The following JAZF1 variants were observed in gnomAD, a reference collection of about 807,000 sequenced individuals.
The protein encoded by JAZF1 is JAZF zinc finger 1.
JAZF1 carries 8 observed loss-of-function variants against 26.4 expected under a neutral mutation model. That is an observed-to-expected ratio of 0.30 (90% CI 0.18 to 0.55). The LOEUF (loss-of-function observed/expected upper bound fraction) is 0.55, where lower values mean the gene tolerates loss of function less well. Ranked by LOEUF, JAZF1 falls within the 20% of genes least tolerant of loss-of-function variation. JAZF1 has a pLI of 0.94. For missense variants in JAZF1, 199 were observed against 322.0 expected, an observed-to-expected ratio of 0.62 and a Z score of 2.92; for synonymous variants, 126 against 122.3, an observed-to-expected ratio of 1.03 and a Z score of -0.20.
At chr7:28,148,517 G>A (rs1473065411) in intron 1 of JAZF1, among the ~76,000 whole-genome samples, 1 of 152,154 alleles carries the variant, frequency 6.6e-6, no homozygotes, top group African/African-American at 2.4e-5. Context: ...ATAGACTCCA[G>A]GGAATATCTT....
intron 1 of JAZF1, among the ~76,000 whole-genome samples, chr7:28,110,499 AAAGGAAAAGG>A (rs543148874): frequency 9.5e-4 from 45 of 47,532 alleles, no homozygotes; most frequent in Non-Finnish European, 1.1e-3. Flanking sequence ...AAAGGAAAGG[AAAGGAAAAGG>A]AAAGGAAAAG....
intron 1 of JAZF1, among the ~76,000 whole-genome samples, chr7:28,179,881 G>A (rs1323530523): frequency 2.0e-5 from 3 of 147,090 alleles, no homozygotes; most frequent in Non-Finnish European, 4.6e-5. Flanking sequence ...GCGGGAGGAG[G>A]AAGCGGAATG....
intron 2 of JAZF1, among the ~76,000 whole-genome samples, chr7:27,956,021 T>C (rs898788496): frequency 2.6e-5 from 4 of 152,274 alleles, no homozygotes; most frequent in South Asian, 2.1e-4. Flanking sequence ...CTTCACTGAA[T>C]TAAGAAAGTG....
intron 2 of JAZF1, among the ~76,000 whole-genome samples, chr7:27,979,348 C>A (rs1262675258): frequency 2.3e-5 from 3 of 130,570 alleles, no homozygotes; most frequent in Admixed American, 8.8e-5. Context: ...AATTAACAGG[C>A]GTGGCCAGGT....
intron 2 of JAZF1, among the ~76,000 whole-genome samples, chr7:27,901,938 C>T (rs1465027218): frequency 2.0e-5 from 3 of 152,286 alleles, no homozygotes; most frequent in South Asian, 2.1e-4. Context: ...TTATAAGAAA[C>T]GTATCTCACG....
At chr7:28,086,108 AT>A (rs1005480867) in intron 1 of JAZF1, among the ~76,000 whole-genome samples, 1 of 152,238 alleles carries the variant, frequency 6.6e-6, no homozygotes, top group African/African-American at 2.4e-5. Context: ...CTAAATTATA[AT>A]TCAACATCCC....
intron 2 of JAZF1, among the ~76,000 whole-genome samples, chr7:27,896,930 G>A (rs911971794): frequency 6.6e-6 from 1 of 152,176 alleles, no homozygotes; most frequent in Non-Finnish European, 1.5e-5. Context: ...GAATGTCAAG[G>A]CAAAAGAGAA....
At chr7:27,922,231 T>C (rs1283082524) in intron 2 of JAZF1, among the ~76,000 whole-genome samples, 2 of 152,238 alleles carry the variant, frequency 1.3e-5, no homozygotes, top group East Asian at 3.8e-4. Flanking sequence ...AACCACATTT[T>C]ATGTTGGTTA....
intron 2 of JAZF1, among the ~76,000 whole-genome samples, chr7:27,962,995 G>T (rs890785202): frequency 1.3e-5 from 2 of 152,102 alleles, no homozygotes; most frequent in Non-Finnish European, 2.9e-5. Flanking sequence ...CACTGTGTGG[G>T]GTTAGCATTC....
intron 2 of JAZF1, among the ~76,000 whole-genome samples, chr7:27,905,266 G>A (rs1784233230): frequency 1.3e-5 from 2 of 152,064 alleles, no homozygotes; most frequent in South Asian, 4.2e-4. Flanking sequence ...CGCCTGGCCT[G>A]TTTTTCTAAG....
intron 2 of JAZF1, among the ~76,000 whole-genome samples, chr7:27,981,269 G>C (rs1785578708): frequency 6.6e-6 from 1 of 152,128 alleles, no homozygotes. Context: ...AAATACAGAA[G>C]ACAGAGGAAC....
intron 1 of JAZF1, chr7:27,992,221 C>A (rs1267993335): frequency 1.7e-6 from 1 of 585,150 alleles, no homozygotes; most frequent in East Asian, 4.0e-5. Flanking sequence ...ATCTGTCACA[C>A]AAACTCTTGC....
chr7:27,883,300 G>A (rs1452698778), intron 3 of JAZF1, among the ~76,000 whole-genome samples: 1 of 152,162 alleles, frequency 6.6e-6, no homozygotes, highest in Non-Finnish European at 1.5e-5. Context: ...ACCACTAACC[G>A]TGTTTCTAGC....
At chr7:28,128,506 A>G (rs927138509) in intron 1 of JAZF1, among the ~76,000 whole-genome samples, 3 of 152,134 alleles carry the variant, frequency 2.0e-5, no homozygotes, top group Non-Finnish European at 2.9e-5. Context: ...TGGGCAACAG[A>G]GTCCGTCTAA....
At chr7:28,004,056 GGA>G (rs1782655786) in intron 1 of JAZF1, among the ~76,000 whole-genome samples, 1 of 152,136 alleles carries the variant, frequency 6.6e-6, no homozygotes, top group African/African-American at 2.4e-5. Context: ...CAAGCAGACT[GGA>G]CTATAGAGGA....
At chr7:27,969,077 C>G (rs17156102) in intron 2 of JAZF1, among the ~76,000 whole-genome samples, 18,979 of 152,138 alleles carry the variant, frequency 0.12, 1,360 homozygotes, top group African/African-American at 0.19. Context: ...TAACCTTAGT[C>G]TGGTCAATAG....
chr7:28,042,969 T>C (rs545270769), intron 1 of JAZF1, among the ~76,000 whole-genome samples: 164 of 152,326 alleles, frequency 1.1e-3, no homozygotes, highest in African/African-American at 3.9e-3. Context: ...GATATATGAC[T>C]GTATTCTACT....
intron 2 of JAZF1, among the ~76,000 whole-genome samples, chr7:27,904,191 G>T (rs181465754): frequency 3.4e-4 from 52 of 152,298 alleles, no homozygotes; most frequent in African/African-American, 1.3e-3. Context: ...TGTAGGAAAC[G>T]GTGATGGAAA....
chr7:28,009,203 G>A (rs370501836), intron 1 of JAZF1, among the ~76,000 whole-genome samples: 1 of 151,794 alleles, frequency 6.6e-6, no homozygotes, highest in African/African-American at 2.4e-5. Flanking sequence ...TCATTTCTAT[G>A]GCTTGGTTTT....
Sources: gnomAD v4.1 joint callset for allele counts (sites outside exome capture counted in the v4.1 genomes callset) on GRCh38, gnomAD v4.1.1 for gene constraint, MANE v1.5 for transcripts, NCBI Gene and HGNC (gene_info 2026-07-23, HGNC 2026-07-21) for gene names.